BRD9: variants seen among roughly 807,000 people sequenced by gnomAD.
BRD9 encodes bromodomain containing 9.
Under a neutral mutation model 68.7 loss-of-function variants are expected in BRD9, and 47 were observed. That is an observed-to-expected ratio of 0.68 (90% CI 0.54 to 0.87). The LOEUF (loss-of-function observed/expected upper bound fraction) is 0.87. BRD9 is among the 40% of genes least tolerant of loss of function. The pLI, the probability that BRD9 is intolerant of heterozygous loss-of-function variation, is 0.00. For synonymous variants in BRD9, 313 were observed against 293.9 expected, an observed-to-expected ratio of 1.06 and a Z score of -0.67; for missense variants, 670 against 748.4, an observed-to-expected ratio of 0.90 and a Z score of 1.22.
At chr5:890,927 T>C (rs913630530) in intron 3 of BRD9, among the ~76,000 whole-genome samples, 2 of 152,120 alleles carry the variant, frequency 1.3e-5, no homozygotes, top group Middle Eastern at 3.4e-3. Context: ...GCTAACAAGT[T>C]AAAAAACAAA....
At chr5:874,834 G>T (rs1418254402) in intron 12 of BRD9, among the ~76,000 whole-genome samples, 2 of 152,236 alleles carry the variant, frequency 1.3e-5, no homozygotes, top group Non-Finnish European at 2.9e-5. Context: ...AACAGCATCA[G>T]AAACTAATCT....
intron 7 of BRD9, among the ~76,000 whole-genome samples, chr5:886,115 T>G (rs1752517385): frequency 1.3e-5 from 2 of 152,062 alleles, no homozygotes; most frequent in South Asian, 4.2e-4. Context: ...ACCACAGGCC[T>G]GCACCTGCTC....
intron 12 of BRD9, among the ~76,000 whole-genome samples, chr5:872,896 A>G (rs1169507614): frequency 6.6e-6 from 1 of 152,182 alleles, no homozygotes; most frequent in Admixed American, 6.5e-5. Context: ...TTCCCTGTAG[A>G]AAGAAAAGAC....
intron 13 of BRD9, 67 bp from the exon 14 acceptor site, chr5:870,642 C>A: frequency 1.8e-6 from 2 of 1,117,146 alleles, no homozygotes; most frequent in Non-Finnish European, 2.7e-6. Flanking sequence ...TTACTTCACA[C>A]TCGCTATTGA....
chr5:875,813 C>T (rs1750817434), intron 12 of BRD9, among the ~76,000 whole-genome samples: 1 of 152,146 alleles, frequency 6.6e-6, no homozygotes, highest in African/African-American at 2.4e-5. Context: ...TAAATCTGAA[C>T]TACAGGAAAT....
chr5:875,395 T>TG (rs1189018638), intron 12 of BRD9, among the ~76,000 whole-genome samples: 1 of 151,668 alleles, frequency 6.6e-6, no homozygotes, highest in Non-Finnish European at 1.5e-5. Context: ...TGGCCCAAGC[T>TG]GGAGTGCAGT....
At chr5:883,123 C>T (rs1408639748) in intron 8 of BRD9, 12 of 362,232 alleles carry the variant, frequency 3.3e-5, no homozygotes, top group Middle Eastern at 1.8e-3. Flanking sequence ...CCTCGCAACA[C>T]GCAAGCCACA....
intron 1 of BRD9, chr5:892,230 T>G (rs1753543078): frequency 2.2e-6 from 1 of 445,418 alleles, no homozygotes; most frequent in Non-Finnish European, 4.0e-6. Flanking sequence ...GCGCCCGTGC[T>G]GCCCGCTGAC....
chr5:891,547 AGCC>A, intron 2 of BRD9, 90 bp downstream of exon 2: 1 of 1,487,260 alleles, frequency 6.7e-7, no homozygotes, highest in Non-Finnish European at 8.9e-7. Flanking sequence ...CCCCTCCTCC[AGCC>A]ACGCAGGCGC....
At chr5:873,578 T>C (rs987989024) in intron 12 of BRD9, among the ~76,000 whole-genome samples, 2 of 150,436 alleles carry the variant, frequency 1.3e-5, no homozygotes, top group Admixed American at 6.6e-5. Context: ...TCTGCTTTCC[T>C]GAGATCTACC....
At chr5:887,850 TGATA>T (rs978306574) in intron 5 of BRD9, among the ~76,000 whole-genome samples, 1 of 152,226 alleles carries the variant, frequency 6.6e-6, no homozygotes, top group Non-Finnish European at 1.5e-5. Context: ...TGCGGCACAG[TGATA>T]GCCTCTATCT....
Position 891,171 on chromosome 5 carries a change from C to G in BRD9, c.384G>C (p.Ala128=). Residue 128 remains alanine, a synonymous_variant, in exon 3 of 16, where the codon GCG becomes GCC. Coordinates refer to ENST00000467963, the MANE Select transcript of BRD9 (RefSeq NM_023924.5). ...CACCCTTGCCTGGCTGTGTCCGGCA[C>G]GCTCGGACTGGCCGATCTGGGGGCG... ...VEPPPDRPVR[A]CRTQPAENES... is the part of the protein sequence containing the mutation. The G allele has an allele frequency of 6.4e-7, 1 of 1,551,314 alleles. No individual in the cohort carries two copies. The highest frequency in any genetic ancestry group is 8.7e-7 in the Non-Finnish European group (1 of 1,146,786).
At chr5:878,674 C>CTTCTG (rs1751371835) in intron 10 of BRD9, 187 bp from the exon 11 acceptor site, 1 of 727,934 alleles carries the variant, frequency 1.4e-6, no homozygotes, top group African/African-American at 1.8e-5. Context: ...GTGTAATTCA[C>CTTCTG]CACCCCTCAT....
chr5:865,176 G>GT (rs1749182244), intron 15 of BRD9, among the ~76,000 whole-genome samples: 1 of 152,236 alleles, frequency 6.6e-6, no homozygotes, highest in African/African-American at 2.4e-5. Flanking sequence ...ACTGGGGACG[G>GT]TATCTGGCAG....
At position 878,468 on chromosome 5, in the gene BRD9, G is replaced by A. The variant is rs936137899; in HGVS notation, c.1158C>T (p.Ala386=). 6.2e-7 allele frequency: 1 copy of A among 1,614,130 alleles called. No homozygotes were observed. Among genetic ancestry groups the A allele is most frequent in the African/African-American group, 1.3e-5 (1 of 74,954 alleles). Residue 386 remains alanine (A), a synonymous_variant, in exon 11 of 16, where the codon GCC becomes GCT. Coordinates refer to ENST00000467963, the MANE Select transcript of BRD9 (RefSeq NM_023924.5). ...TATTCTGCATCGAAAGCGCAGTAGTGGCACTGGAGAGAAAGGTGACTGGGA... is the reference window on the plus strand; with the variant it reads ...TATTCTGCATCGAAAGCGCAGTAGTAGCACTGGAGAGAAAGGTGACTGGGA... ...RRNKVTFLSS[A]TTALSMQNNS...
In BRD9 at chr5:892,783, G is replaced by T; in HGVS notation, c.-126C>A. The T allele has an allele frequency of 9.4e-7, 1 of 1,068,004 alleles. No homozygotes were observed. The highest frequency in any genetic ancestry group is 4.5e-5 in the South Asian group (1 of 22,382). The allele number at this position is 1,068,004 out of a possible 1,614,324, so 66.2% of individuals were successfully genotyped here. A position where few individuals can be genotyped will look rare whatever the true frequency, so the allele number is the denominator to read the frequency against. ...TCGCTGCGCCGAGGTTGCCGAGCTC[G>T]CTGGGCCGCGCCGGAAACGGGGCGA... On this transcript the variant is annotated 5_prime_UTR_variant, in exon 1 of 16. Coordinates refer to ENST00000467963, the MANE Select transcript of BRD9 (RefSeq NM_023924.5).
intron 11 of BRD9, among the ~76,000 whole-genome samples, chr5:876,547 G>A (rs987053144): frequency 1.3e-5 from 2 of 152,220 alleles, no homozygotes; most frequent in Non-Finnish European, 2.9e-5. Context: ...AAGTGGGTGT[G>A]GACAGAAGCA....
intron 14 of BRD9, among the ~76,000 whole-genome samples, chr5:870,008 G>A (rs1393431578): frequency 1.3e-5 from 2 of 152,196 alleles, no homozygotes; most frequent in Non-Finnish European, 2.9e-5. Context: ...CACACACTAG[G>A]CTGACATTTA....
At chr5:884,358 A>G (rs535440336) in intron 7 of BRD9, among the ~76,000 whole-genome samples, 1 of 152,258 alleles carries the variant, frequency 6.6e-6, no homozygotes, top group Admixed American at 6.5e-5. Flanking sequence ...CAAAAGCAAC[A>G]AAGTAACAGA....
Sources: allele counts gnomAD v4.1 joint callset (sites outside exome capture counted in the v4.1 genomes callset), GRCh38; gene constraint gnomAD v4.1.1; transcripts MANE v1.5; gene names NCBI Gene and HGNC (gene_info 2026-07-23, HGNC 2026-07-21).